OSBPL9: variants seen among roughly 807,000 people sequenced by gnomAD.
OSBPL9 encodes oxysterol binding protein like 9, also known as oxysterol-binding protein-related protein 9.
In OSBPL9, 40 loss-of-function variants were observed where a neutral mutation model predicts 106.6. The ratio of observed to expected loss-of-function variants is 0.38; its 90% CI spans 0.29 to 0.49. The LOEUF (loss-of-function observed/expected upper bound fraction) is 0.49, where lower values mean the gene tolerates loss of function less well. Among genes scored for constraint, OSBPL9 ranks in the 20% least tolerant of loss-of-function variants. The probability of loss-of-function intolerance (pLI) is 0.97; values close to 1 mark genes in which losing one functional copy is unlikely to be tolerated. For synonymous variants in OSBPL9, 269 were observed against 295.4 expected, an observed-to-expected ratio of 0.91 and a Z score of 0.92; for missense variants, 609 against 887.2, an observed-to-expected ratio of 0.69 and a Z score of 3.98.
chr1:51,713,209 G>A (rs1402447442), intron 3 of OSBPL9, among the ~76,000 whole-genome samples: 3 of 152,032 alleles, frequency 2.0e-5, no homozygotes, highest in African/African-American at 7.2e-5. Context: ...GAGTGCAGTG[G>A]CACGATCTTG....
At chr1:51,702,547 C>T (rs1657521449) in intron 3 of OSBPL9, among the ~76,000 whole-genome samples, 2 of 152,136 alleles carry the variant, frequency 1.3e-5, no homozygotes, top group Non-Finnish European at 2.9e-5. Flanking sequence ...GATATTAGCC[C>T]TTTGTCAGAT....
chr1:51,592,687 A>AGT (rs1227423964), intron 1 of OSBPL9, among the ~76,000 whole-genome samples: 1 of 152,192 alleles, frequency 6.6e-6, no homozygotes, highest in Admixed American at 6.5e-5. Flanking sequence ...TCCTGGACAT[A>AGT]GTGCTGGATT....
At chr1:51,689,391 C>A (rs558488990) in intron 3 of OSBPL9, among the ~76,000 whole-genome samples, 1 of 152,000 alleles carries the variant, frequency 6.6e-6, no homozygotes, top group Admixed American at 6.6e-5. Context: ...CATTGACTTA[C>A]TCAAAAGTTG....
At chr1:51,585,354 G>A (rs1331971504) in intron 1 of OSBPL9, among the ~76,000 whole-genome samples, 1 of 152,154 alleles carries the variant, frequency 6.6e-6, no homozygotes, top group Non-Finnish European at 1.5e-5. Flanking sequence ...TTTACCATCT[G>A]TAGATTAGGA....
At chr1:51,615,840 T>C (rs1195909224), upstream of OSBPL9, among the ~76,000 whole-genome samples, 2 of 152,136 alleles carry the variant, frequency 1.3e-5, no homozygotes, top group African/African-American at 4.8e-5. Flanking sequence ...AAATAATTTA[T>C]TAAATTATTT....
chr1:51,654,928 G>T (rs915487363), intron 2 of OSBPL9, among the ~76,000 whole-genome samples: 1 of 152,124 alleles, frequency 6.6e-6, no homozygotes, highest in African/African-American at 2.4e-5. Flanking sequence ...GGGAGATGGG[G>T]ACTTAGTGTT....
At chr1:51,740,509 C>T (rs1338385462) in intron 4 of OSBPL9, among the ~76,000 whole-genome samples, 2 of 151,984 alleles carry the variant, frequency 1.3e-5, no homozygotes, top group Non-Finnish European at 2.9e-5. Flanking sequence ...TACAGTTCTA[C>T]TACTGATAAC....
Position 51,701,795 on chromosome 1 carries a change from C to T in OSBPL9, c.242-12208C>T, listed in dbSNP as rs374694142. Among the ~76,000 whole-genome samples, 339 of 152,276 alleles carry T rather than the reference C, an allele frequency of 2.2e-3. 3 individuals are homozygous for T. Among genetic ancestry groups the T allele is most frequent in the African/African-American group, 7.8e-3 (325 of 41,532 alleles). ...TATATATCCTAATGCTATCCCTCCC[C>T]GCTCTGCCCACCCCACAACAGGCCC... On this transcript the variant is annotated intron_variant, in intron 3 of 23. Transcript: ENST00000428468.
the OSBPL9 span, among the ~76,000 whole-genome samples, chr1:51,536,331 G>A: frequency 6.6e-6 from 1 of 151,736 alleles, no homozygotes; most frequent in East Asian, 1.9e-4. Flanking sequence ...TTTAGAAACA[G>A]GATCGCGCTC....
chr1:51,787,797 G>C lies in OSBPL9; in HGVS notation c.*8G>C. The C allele has an allele frequency of 6.2e-7, 1 of 1,607,308 alleles. No individual in the cohort carries two copies. The highest frequency in any genetic ancestry group is 8.5e-7 in the Non-Finnish European group (1 of 1,174,460). ...GGTGCTGCCAAGCATTAGGTTGGAAGATGCAAAGTTTATACCTGATGATCA... is the reference window on the plus strand; with the variant it reads ...GGTGCTGCCAAGCATTAGGTTGGAACATGCAAAGTTTATACCTGATGATCA... On this transcript the variant is annotated 3_prime_UTR_variant, in exon 24 of 24. Coordinates refer to ENST00000428468, the MANE Select transcript of OSBPL9 (RefSeq NM_024586.6).
the OSBPL9 span, among the ~76,000 whole-genome samples, chr1:51,549,360 C>G: frequency 7.9e-5 from 12 of 152,320 alleles, no homozygotes; most frequent in East Asian, 2.3e-3. Flanking sequence ...TTTTCTCAAA[C>G]CACCAAAACT....
chr1:51,558,359 T>C, the OSBPL9 span, among the ~76,000 whole-genome samples: 2 of 152,122 alleles, frequency 1.3e-5, no homozygotes, highest in African/African-American at 4.8e-5. Flanking sequence ...AGACTGCCTT[T>C]GTAAACTAAC....
At chr1:51,745,106 A>G (rs541699146) in intron 4 of OSBPL9, 1 of 158,996 alleles carries the variant, frequency 6.3e-6, no homozygotes, top group African/African-American at 2.4e-5. Context: ...GGGAGAACTA[A>G]ACAGTGAGAA....
intron 1 of OSBPL9, among the ~76,000 whole-genome samples, chr1:51,587,914 C>T (rs1292940404): frequency 6.6e-6 from 1 of 152,218 alleles, no homozygotes. Flanking sequence ...CTGTCAAATG[C>T]AATGAATGCT....
chr1:51,521,928 T>C, the OSBPL9 span, among the ~76,000 whole-genome samples: 2 of 152,030 alleles, frequency 1.3e-5, no homozygotes, highest in Non-Finnish European at 2.9e-5. Context: ...AGCTAATTTT[T>C]TTTTTTCTAG....
At chr1:51,723,556 T>C (rs1170388124) in intron 4 of OSBPL9, among the ~76,000 whole-genome samples, 1 of 152,140 alleles carries the variant, frequency 6.6e-6, no homozygotes, top group Non-Finnish European at 1.5e-5. Context: ...TCTTCTTCCT[T>C]TTTTAAGAGA....
chr1:51,671,168 A>G (rs902506737), intron 3 of OSBPL9, among the ~76,000 whole-genome samples: 5 of 152,200 alleles, frequency 3.3e-5, no homozygotes, highest in Non-Finnish European at 5.9e-5. Context: ...TGTAGTAGTT[A>G]TGGGAGTTTT....
At chr1:51,745,410 T>C (rs1667775222) in intron 4 of OSBPL9, 126 bp from the exon 5 acceptor site, 2 of 1,373,250 alleles carry the variant, frequency 1.5e-6, no homozygotes, top group Admixed American at 5.1e-5. Flanking sequence ...AGACCTATTA[T>C]TTGTGTCAAA....
intron 3 of OSBPL9, among the ~76,000 whole-genome samples, chr1:51,691,090 G>A (rs1328332217): frequency 6.6e-6 from 1 of 152,098 alleles, no homozygotes; most frequent in Non-Finnish European, 1.5e-5. Context: ...TACCATGAAC[G>A]GAGCTTGCAG....
Sources: gnomAD v4.1 joint callset for allele counts (sites outside exome capture counted in the v4.1 genomes callset) on GRCh38, gnomAD v4.1.1 for gene constraint, MANE v1.5 for transcripts, NCBI Gene and HGNC (gene_info 2026-07-23, HGNC 2026-07-21) for gene names.